Variants in MROH1 observed in about 807,000 individuals in gnomAD.
The protein encoded by MROH1 is maestro heat like repeat family member 1.
MROH1 carries 117 observed loss-of-function variants against 116.5 expected under a neutral mutation model. The ratio of observed to expected loss-of-function variants is 1.00; its 90% CI spans 0.86 to 1.17. The LOEUF (loss-of-function observed/expected upper bound fraction) is 1.17, where lower values mean the gene tolerates loss of function less well. Ranked by LOEUF, MROH1 falls within the 50% of genes most tolerant of loss-of-function variation. The pLI is 0.00. For synonymous variants in MROH1, 921 were observed against 583.9 expected, an observed-to-expected ratio of 1.58 and a Z score of -8.32; for missense variants, 1,873 against 1,338.5, an observed-to-expected ratio of 1.40 and a Z score of -6.23.
chr8:144,192,910 C>G (rs1829001441), intron 10 of MROH1: 1 of 302,350 alleles, frequency 3.3e-6, no homozygotes, highest in Non-Finnish European at 6.4e-6. Context: ...GGTGCCGGGT[C>G]ACCCGTGACC....
chr8:144,172,618 T>G (rs961075301), intron 4 of MROH1, among the ~76,000 whole-genome samples: 6 of 152,018 alleles, frequency 3.9e-5, no homozygotes, highest in African/African-American at 1.4e-4. Context: ...ACCGTGTTGG[T>G]CAGGCAGGTC....
At chr8:144,245,283 C>T (rs990844631) in intron 29 of MROH1, 23 bp downstream of exon 29, 21 of 773,586 alleles carry the variant, frequency 2.7e-5, no homozygotes, top group Non-Finnish European at 4.3e-5. Context: ...GTCCCTGGCC[C>T]GGGTGCTGCT....
intron 1 of MROH1, among the ~76,000 whole-genome samples, chr8:144,149,863 C>A (rs1238309740): frequency 6.6e-6 from 1 of 152,084 alleles, no homozygotes; most frequent in Non-Finnish European, 1.5e-5. Flanking sequence ...GAACCATGTT[C>A]TCGGTGGACT....
chr8:144,230,482 C>T (rs960849629), intron 14 of MROH1, among the ~76,000 whole-genome samples: 6 of 149,294 alleles, frequency 4.0e-5, no homozygotes, highest in East Asian at 3.9e-4. Context: ...GCCTTCCTCA[C>T]TAAGCTTAAT....
At chr8:144,174,877 C>A in intron 4 of MROH1, 1 of 985,330 alleles carries the variant, frequency 1.0e-6, no homozygotes, top group African/African-American at 1.7e-5. Context: ...GCTGAGTCAG[C>A]CTGTCACCCT....
At chr8:144,199,510 A>G (rs1242949876) in intron 11 of MROH1, among the ~76,000 whole-genome samples, 1 of 152,030 alleles carries the variant, frequency 6.6e-6, no homozygotes, top group Non-Finnish European at 1.5e-5. Flanking sequence ...CTCCACACCC[A>G]ATCTCTGGCT....
chr8:144,192,251 T>C, intron 9 of MROH1, 58 bp from the exon 10 acceptor site: 1 of 1,443,304 alleles, frequency 6.9e-7, no homozygotes, highest in South Asian at 1.3e-5. Flanking sequence ...TGATTGACCT[T>C]AGTCAGTTCG....
intron 31 of MROH1, 93 bp from the exon 32 acceptor site, chr8:144,248,784 G>C (rs1214790348): frequency 4.2e-6 from 3 of 719,162 alleles, no homozygotes; most frequent in Non-Finnish European, 7.7e-6. Flanking sequence ...GTGGCTTCCC[G>C]CCCTAACGCG....
Position 144,241,531 on chromosome 8 carries a change from C to G in MROH1, c.2178+14C>G. The G allele has an allele frequency of 1.3e-6, 1 of 778,072 alleles. No homozygotes were observed. The highest frequency in any genetic ancestry group is 2.4e-6 in the Non-Finnish European group (1 of 417,440). 48.2% of individuals were successfully genotyped at this position (778,072 alleles called of 1,614,324 possible). On this transcript the variant is annotated intron_variant, in intron 22 of 43. Transcript: ENST00000326134. ...AACATTTTTAAGGTTAGGGTGACAC[C>G]GGTGCAGGGCTGGGGACGGCTGTCT...
chr8:144,219,540 G>T lies in MROH1; in HGVS notation c.1142-1060G>T, dbSNP rs559076115. 3.9e-5 allele frequency among the ~76,000 whole-genome samples: 6 copies of T among 152,284 alleles called. No individual in the cohort carries two copies. In the South Asian group the frequency reaches 1.0e-3, roughly 26 times the overall value. ...TTCTACAGCATCTTCTAAAAGCAGT[G>T]TGGTATGTCTCATGGTTAGATCTGG... On this transcript the variant is annotated intron_variant, in intron 12 of 43. Coordinates refer to ENST00000326134, the MANE Select transcript of MROH1 (RefSeq NM_032450.3).
At chr8:144,255,068 G>C in intron 34 of MROH1, 90 bp downstream of exon 34, 2 of 653,076 alleles carry the variant, frequency 3.1e-6, no homozygotes, top group Non-Finnish European at 5.6e-6. Flanking sequence ...GAGGTGGCCC[G>C]GACGCCACCC....
At chr8:144,230,093 G>T (rs879516927) in intron 14 of MROH1, among the ~76,000 whole-genome samples, 2 of 152,006 alleles carry the variant, frequency 1.3e-5, no homozygotes, top group East Asian at 3.9e-4. Flanking sequence ...AACTTGTTGC[G>T]GTTTCTCCAT....
intron 33 of MROH1, chr8:144,251,918 A>G (rs1005597162): frequency 2.3e-4 from 46 of 197,960 alleles, no homozygotes; most frequent in South Asian, 1.2e-3. Context: ...TTAGCACAGC[A>G]GTGCTGCTGC....
chr8:144,205,338 A>G (rs1222575070), intron 12 of MROH1, among the ~76,000 whole-genome samples: 2 of 152,236 alleles, frequency 1.3e-5, no homozygotes, highest in Non-Finnish European at 2.9e-5. Context: ...GTGGCTGGGT[A>G]TAAAAGTCTG....
chr8:144,180,434 T>C lies in MROH1; in HGVS notation c.473T>C (p.Val158Ala). 6.2e-7 allele frequency: 1 copy of C among 1,613,092 alleles called. No individual in the cohort carries two copies. The highest frequency in any genetic ancestry group is 8.5e-7 in the Non-Finnish European group (1 of 1,179,760). The change falls in exon 7 of 44, where the codon GTA becomes GCA. Residue 158 changes from valine (V) to alanine (A), a missense_variant. By Grantham distance (64) the Val-to-Ala change is moderately conservative. Transcript: ENST00000326134. The surrounding 1 kb of genome is among the most constrained non-coding windows in gnomAD (Gnocchi z 7.4). ...ASLSVANAFG[V>A]VPFLPSVLSS... is the part of the protein sequence containing the mutation. ...GTGTCCTCTCTCACAGCGTTCGGCG[T>C]AGTCCCCTTCCTGCCATCCGTCCTG...
chr8:144,150,662 C>A (rs1816503693), intron 1 of MROH1, among the ~76,000 whole-genome samples: 1 of 152,214 alleles, frequency 6.6e-6, no homozygotes, highest in African/African-American at 2.4e-5. Flanking sequence ...CTGATCGTCA[C>A]CATTTGTAGG....
intron 14 of MROH1, among the ~76,000 whole-genome samples, chr8:144,230,808 T>C (rs978880886): frequency 9.7e-5 from 14 of 143,912 alleles, no homozygotes; most frequent in Non-Finnish European, 1.5e-4. Flanking sequence ...TTTTCTTTTT[T>C]TTTTTTTTTT....
At chr8:144,257,626 C>A (rs1005494026) in intron 35 of MROH1, among the ~76,000 whole-genome samples, 15 of 152,224 alleles carry the variant, frequency 9.9e-5, no homozygotes, top group Non-Finnish European at 2.1e-4. Flanking sequence ...GGGCCTCACA[C>A]ACCATCCAGG....
chr8:144,153,282 C>T (rs1431315446), intron 1 of MROH1, among the ~76,000 whole-genome samples: 6 of 151,850 alleles, frequency 4.0e-5, no homozygotes, highest in Admixed American at 6.6e-5. Context: ...CTGCAACCTC[C>T]GCCTCCTGGG....
Sources: gnomAD v4.1 joint callset for allele counts (sites outside exome capture counted in the v4.1 genomes callset) on GRCh38, gnomAD v4.1.1 for gene constraint, Gnocchi (gnomAD v3.1) non-coding constraint, MANE v1.5 for transcripts, NCBI Gene and HGNC (gene_info 2026-07-23, HGNC 2026-07-21) for gene names.